Variants in LRP5 observed in about 807,000 individuals in gnomAD.
The protein encoded by LRP5 is LDL receptor related protein 5.
In LRP5, 62 loss-of-function variants were observed where a neutral mutation model predicts 154.1. The ratio of observed to expected loss-of-function variants is 0.40; its 90% CI spans 0.33 to 0.50. LRP5 has a LOEUF of 0.50. LRP5 is among the 20% of genes least tolerant of loss of function. LRP5 has a pLI of 0.55. For synonymous variants in LRP5, 966 were observed against 1,011.5 expected (o/e 0.96, Z 0.85); for missense variants, 1,915 against 2,336.7 (o/e 0.82, Z 3.72).
chr11:68,433,972 CT>C, intron 18 of LRP5, 134 bp downstream of exon 18: 1 of 859,746 alleles, frequency 1.2e-6, no homozygotes, highest in South Asian at 1.4e-5. Context: ...CCAAGTCTGT[CT>C]TTTAGGCCCA....
intron 7 of LRP5, among the ~76,000 whole-genome samples, chr11:68,392,782 C>G (rs1040358694): frequency 6.6e-6 from 1 of 152,104 alleles, no homozygotes; most frequent in Non-Finnish European, 1.5e-5. Flanking sequence ...TGGCTTCTTT[C>G]CATAGCATTG....
Position 68,357,755 on chromosome 11 carries a change from T to C in LRP5, c.594T>C (p.Asn198=). ...TGGACTCGGACATTTACTGGCCCAA[T>C]GGACTGACCATCGACCTGGAGGAGC... The part of the protein sequence containing the change: ...IIVDSDIYWP[N]GLTIDLEEQK... The change falls in exon 3 of 23, where the codon AAT becomes AAC. Residue 198 remains asparagine, a synonymous_variant. Transcript: ENST00000294304. 1 of 1,614,172 alleles carries C rather than the reference T, an allele frequency of 6.2e-7. No individual in the cohort carries two copies. Among genetic ancestry groups the C allele is most frequent in the Non-Finnish European group, 8.5e-7 (1 of 1,180,016 alleles).
intron 1 of LRP5, among the ~76,000 whole-genome samples, chr11:68,347,455 C>A (rs759296660): frequency 6.6e-6 from 1 of 152,224 alleles, no homozygotes; most frequent in Non-Finnish European, 1.5e-5. Context: ...ATGTCCCCAT[C>A]CCCTGTGTCA....
chr11:68,354,218 T>A (rs1460936120), intron 2 of LRP5, among the ~76,000 whole-genome samples: 5 of 152,236 alleles, frequency 3.3e-5, no homozygotes, highest in African/African-American at 1.2e-4. Context: ...GAAGTCGATT[T>A]TCCTCCGTGG....
At chr11:68,314,678 T>G (rs1021632311) in intron 1 of LRP5, among the ~76,000 whole-genome samples, 50 of 152,248 alleles carry the variant, frequency 3.3e-4, no homozygotes, top group Non-Finnish European at 1.0e-4. Flanking sequence ...GGGGCCCAAG[T>G]GCTTGTTCCA....
At chr11:68,399,502 A>G (rs2098651445) in intron 7 of LRP5, among the ~76,000 whole-genome samples, 1 of 152,162 alleles carries the variant, frequency 6.6e-6, no homozygotes, top group African/African-American at 2.4e-5. Flanking sequence ...ATCCTTTACA[A>G]AAAAGTTTGC....
At chr11:68,356,691 G>A (rs1259743399) in intron 2 of LRP5, among the ~76,000 whole-genome samples, 1 of 152,160 alleles carries the variant, frequency 6.6e-6, no homozygotes, top group Admixed American at 6.5e-5. Flanking sequence ...AGACAGATGA[G>A]TAAGGACATG....
intron 1 of LRP5, among the ~76,000 whole-genome samples, chr11:68,333,763 T>C (rs1315440483): frequency 2.0e-5 from 3 of 152,322 alleles, no homozygotes; most frequent in Middle Eastern, 3.4e-3. Flanking sequence ...ATGCAAAACA[T>C]AATACAACTT....
rs1238350436 is a variant in LRP5, at chr11:68,346,703, C to CCAAGGCTT, written c.92-1141_92-1134dup. ...CATGAGGAATGTCAGCTGTTTCAAG[C>CCAAGGCTT]CAAGGCTTCAGATGTTTTTTGGGGG... is the stretch of plus-strand genomic sequence containing the variant. On this transcript the variant is annotated intron_variant, in intron 1 of 22. Transcript: ENST00000294304. 3.3e-5 allele frequency among the ~76,000 whole-genome samples: 5 copies of CCAAGGCTT among 152,322 alleles called. No homozygotes were observed. The South Asian group carries it at 1.0e-3, about 32-fold the overall frequency.
At chr11:68,333,304 A>T (rs1434782861) in intron 1 of LRP5, among the ~76,000 whole-genome samples, 1 of 152,226 alleles carries the variant, frequency 6.6e-6, no homozygotes, top group African/African-American at 2.4e-5. Flanking sequence ...AAGCTAAGGT[A>T]TGGTTTTGCC....
intron 5 of LRP5, among the ~76,000 whole-genome samples, chr11:68,369,680 G>A (rs1324757198): frequency 1.3e-5 from 2 of 152,204 alleles, no homozygotes; most frequent in Non-Finnish European, 2.9e-5. Flanking sequence ...ACTGAGGCAA[G>A]AGAACATGTT....
At chr11:68,342,127 T>A (rs1169658882) in intron 1 of LRP5, among the ~76,000 whole-genome samples, 4 of 151,752 alleles carry the variant, frequency 2.6e-5, no homozygotes, top group African/African-American at 9.7e-5. Context: ...GGTCTTGCTG[T>A]GTTGCCCAGG....
Position 68,439,767 on chromosome 11 carries a change from T to G in LRP5, c.4349-10T>G, listed in dbSNP as rs2098677098. On this transcript the variant is annotated splice_polypyrimidine_tract_variant and intron_variant, in intron 20 of 22. Transcript: ENST00000294304. ...AAGCCACCTGACCTCCCCCGTCCCT[T>G]CCCTGCCAGGCATCGCATGCGGAAA... 6.2e-7 allele frequency: 1 copy of G among 1,609,046 alleles called. No individual in the cohort carries two copies. The highest frequency in any genetic ancestry group is 8.5e-7 in the Non-Finnish European group (1 of 1,178,590).
rs909341250 is a variant in LRP5 at position 68,447,734 on chromosome 11, C to T, written c.4587-1075C>T. The stretch of plus-strand genomic sequence containing the variant: ...TGTCCTGCTGCACTTTTCTCAACAC[C>T]CGGTGTTGGCTGCACCTTCCCACCC... On this transcript the variant is annotated intron_variant, in intron 22 of 22. Coordinates refer to ENST00000294304, the MANE Select transcript of LRP5 (RefSeq NM_002335.4). This position sits in a 1 kb window ranked among gnomAD's most constrained non-coding sequence, Gnocchi z 4.3. Among the ~76,000 whole-genome samples the T allele has an allele frequency of 6.6e-6, 1 of 152,140 alleles. No individual in the cohort carries two copies. The highest frequency in any genetic ancestry group is 2.4e-5 in the African/African-American group (1 of 41,430).
intron 1 of LRP5, among the ~76,000 whole-genome samples, chr11:68,335,097 A>G (rs1340697956): frequency 7.0e-6 from 1 of 142,640 alleles, no homozygotes; most frequent in Non-Finnish European, 1.5e-5. Flanking sequence ...TTTTTTTAAG[A>G]CAGCGTCTTG....
intron 7 of LRP5, among the ~76,000 whole-genome samples, chr11:68,391,125 C>T (rs148862911): frequency 0.13 from 19,505 of 152,188 alleles, 1,699 homozygotes; most frequent in Admixed American, 0.27. Flanking sequence ...CCCGCCACCA[C>T]GCCTGGCTAA....
intron 18 of LRP5, among the ~76,000 whole-genome samples, chr11:68,435,700 T>TATGCC (rs1024205021): frequency 6.5e-4 from 99 of 152,282 alleles, no homozygotes; most frequent in African/African-American, 2.0e-3. Flanking sequence ...TATGCTATGC[T>TATGCC]ATGCCATGCC....
chr11:68,302,702 C>T, the LRP5 span, among the ~76,000 whole-genome samples: 1 of 152,194 alleles, frequency 6.6e-6, no homozygotes, highest in Non-Finnish European at 1.5e-5. Flanking sequence ...CATGTGTCCC[C>T]TGGAGATGGG....
At chr11:68,315,397 C>G (rs1042833437) in intron 1 of LRP5, among the ~76,000 whole-genome samples, 2 of 152,256 alleles carry the variant, frequency 1.3e-5, no homozygotes, top group African/African-American at 4.8e-5. Flanking sequence ...CTCACCGCTG[C>G]AGCCCTCGGG....
Sources: gnomAD v4.1 joint callset for allele counts (sites outside exome capture counted in the v4.1 genomes callset) on GRCh38, gnomAD v4.1.1 for gene constraint, Gnocchi (gnomAD v3.1) non-coding constraint, MANE v1.5 for transcripts, NCBI Gene and HGNC (gene_info 2026-07-23, HGNC 2026-07-21) for gene names.